Variants in CDH12 observed in about 807,000 individuals in gnomAD.
CDH12 encodes cadherin 12, also known as cadherin-12.
In CDH12, 41 loss-of-function variants were observed where a neutral mutation model predicts 74.1. The observed-to-expected ratio is 0.55, with a 90% CI of 0.43 to 0.72. The LOEUF (loss-of-function observed/expected upper bound fraction) is 0.72. CDH12 is among the 30% of genes least tolerant of loss of function. The pLI is 0.00. For missense variants in CDH12, 945 were observed against 977.2 expected (o/e 0.97, Z 0.44); for synonymous variants, 399 against 355.0 (o/e 1.12, Z -1.39).
intron 6 of CDH12, among the ~76,000 whole-genome samples, chr5:21,917,962 C>T (rs560389852): frequency 1.3e-4 from 20 of 152,272 alleles, no homozygotes; most frequent in African/African-American, 4.8e-4. Flanking sequence ...CTGGTTCCCT[C>T]TTCTATATTA....
intron 1 of CDH12, among the ~76,000 whole-genome samples, chr5:22,586,040 C>T (rs1448745766): frequency 6.6e-6 from 1 of 152,102 alleles, no homozygotes; most frequent in Admixed American, 6.5e-5. Flanking sequence ...CACATGCACA[C>T]GTATGTTTAT....
intron 1 of CDH12, among the ~76,000 whole-genome samples, chr5:22,535,591 TGAAA>T (rs1178182848): frequency 6.6e-6 from 1 of 152,220 alleles, no homozygotes; most frequent in East Asian, 1.9e-4. Flanking sequence ...TAAAAGGGTT[TGAAA>T]GAATTTGATT....
At chr5:22,267,342 A>G (rs1373044772) in intron 3 of CDH12, among the ~76,000 whole-genome samples, 1 of 152,176 alleles carries the variant, frequency 6.6e-6, no homozygotes, top group Admixed American at 6.6e-5. Context: ...CAAATTCTCT[A>G]TCGAGCATTT....
At chr5:22,187,548 T>A (rs1214077941) in intron 4 of CDH12, among the ~76,000 whole-genome samples, 2 of 150,324 alleles carry the variant, frequency 1.3e-5, no homozygotes, top group Admixed American at 1.3e-4. Context: ...CACTTTCAAG[T>A]TCATTGTGAC....
rs187634081 is a variant in CDH12, at chr5:21,991,307, T to A, written c.232-15922A>T. The stretch of plus-strand genomic sequence containing the variant: ...GAGTAACTCCATTTAATAACAGAAA[T>A]GGTTATTAAAATATCTACATTCTTT... On this transcript the variant is annotated intron_variant, in intron 5 of 14. Coordinates refer to ENST00000382254, the MANE Select transcript of CDH12 (RefSeq NM_004061.5). Among the ~76,000 whole-genome samples the A allele has an allele frequency of 1.1e-3, 168 of 151,800 alleles. 1 individual carries two copies. The highest frequency in any genetic ancestry group is 2.0e-3 in the Non-Finnish European group (136 of 67,832).
Position 21,755,862 on chromosome 5 carries a change from T to C in CDH12, c.1634-20A>G. On this transcript the variant is annotated intron_variant, in intron 13 of 14. Coordinates refer to ENST00000382254, the MANE Select transcript of CDH12 (RefSeq NM_004061.5). Reference sequence around the variant, plus strand: ...TGTTGTCTACAAAACATGACATTTATGGTAACATGGTTACTATAAGCTTCA... The same window carrying C: ...TGTTGTCTACAAAACATGACATTTACGGTAACATGGTTACTATAAGCTTCA... The C allele has an allele frequency of 6.2e-7, 1 of 1,612,764 alleles. No homozygotes were observed. The highest frequency in any genetic ancestry group is 8.5e-7 in the Non-Finnish European group (1 of 1,178,982).
intron 8 of CDH12, among the ~76,000 whole-genome samples, chr5:21,839,852 A>G (rs1478019265): frequency 6.6e-6 from 1 of 152,176 alleles, no homozygotes; most frequent in African/African-American, 2.4e-5. Flanking sequence ...TCCTGGGGAC[A>G]CTGAAATGAT....
intron 4 of CDH12, among the ~76,000 whole-genome samples, chr5:22,119,709 G>A (rs969276242): frequency 6.6e-6 from 1 of 151,994 alleles, no homozygotes. Context: ...TCCCTACAAG[G>A]TATCCATGCC....
At chr5:22,011,301 A>C (rs1463211421) in intron 5 of CDH12, among the ~76,000 whole-genome samples, 1 of 152,188 alleles carries the variant, frequency 6.6e-6, no homozygotes, top group Non-Finnish European at 1.5e-5. Flanking sequence ...TTTACAAAAT[A>C]TCCTTACAAA....
At chr5:22,260,646 T>A (rs1235788299) in intron 3 of CDH12, among the ~76,000 whole-genome samples, 9 of 151,996 alleles carry the variant, frequency 5.9e-5, no homozygotes, top group Admixed American at 3.9e-4. Context: ...ACAGAGTTAG[T>A]TTTAAATTTT....
chr5:22,166,243 C>G (rs1195634333), intron 4 of CDH12, among the ~76,000 whole-genome samples: 1 of 152,142 alleles, frequency 6.6e-6, no homozygotes, highest in Admixed American at 6.6e-5. Flanking sequence ...GGATATTTAT[C>G]TCTCTTGTTC....
intron 1 of CDH12, among the ~76,000 whole-genome samples, chr5:22,750,048 G>T (rs1400496776): frequency 6.6e-6 from 1 of 152,026 alleles, no homozygotes; most frequent in Non-Finnish European, 1.5e-5. Flanking sequence ...TCCTAATCTA[G>T]TGCACTCAAT....
chr5:22,152,813 TC>T (rs1428267197), intron 4 of CDH12, among the ~76,000 whole-genome samples: 2 of 152,214 alleles, frequency 1.3e-5, no homozygotes, highest in East Asian at 3.9e-4. Context: ...ACCACTGTTC[TC>T]CTCTCTCTAC....
intron 2 of CDH12, among the ~76,000 whole-genome samples, chr5:22,478,383 C>A (rs369093532): frequency 4.3e-4 from 63 of 145,880 alleles, no homozygotes; most frequent in Middle Eastern, 7.2e-3. Flanking sequence ...GCGCCACTGC[C>A]CTCCAGCCTG....
chr5:22,442,326 C>A (rs1048618111), intron 2 of CDH12, among the ~76,000 whole-genome samples: 9 of 151,962 alleles, frequency 5.9e-5, no homozygotes, highest in Non-Finnish European at 1.0e-4. Context: ...TACTAAGTGG[C>A]AGAGTCAATA....
Position 21,837,433 on chromosome 5 carries a change from G to A in CDH12, c.814+4728C>T, listed in dbSNP as rs534713996. ...ACTTAATTTGTGTAGCTTAAGCAAT[G>A]AGAAGAGTATCTCATAAAGTTCATC... On this transcript the variant is annotated intron_variant, in intron 8 of 14. Transcript: ENST00000382254. Among the ~76,000 whole-genome samples, 10 of 150,222 alleles carry A rather than the reference G, an allele frequency of 6.7e-5. No individual in the cohort carries two copies. The East Asian group carries it at 1.8e-3, about 26-fold the overall frequency.
At chr5:22,452,970 G>T (rs548674578) in intron 2 of CDH12, among the ~76,000 whole-genome samples, 1 of 145,986 alleles carries the variant, frequency 6.8e-6, no homozygotes, top group Non-Finnish European at 1.5e-5. Context: ...ATAGCCAAAA[G>T]GTATGTGAAA....
intron 3 of CDH12, among the ~76,000 whole-genome samples, chr5:22,384,169 A>G (rs1741887805): frequency 6.6e-6 from 1 of 152,146 alleles, no homozygotes; most frequent in Non-Finnish European, 1.5e-5. Flanking sequence ...TTGCTCTGTT[A>G]CTATATGCAT....
At chr5:22,797,036 C>T (rs915226472) in intron 1 of CDH12, among the ~76,000 whole-genome samples, 1 of 152,034 alleles carries the variant, frequency 6.6e-6, no homozygotes, top group Non-Finnish European at 1.5e-5. Flanking sequence ...AATGAAAAAT[C>T]AGGGGACTAT....
Sources: gnomAD v4.1 joint callset for allele counts (sites outside exome capture counted in the v4.1 genomes callset) on GRCh38, gnomAD v4.1.1 for gene constraint, MANE v1.5 for transcripts, NCBI Gene and HGNC (gene_info 2026-07-23, HGNC 2026-07-21) for gene names.